ZSWIM6: variants seen among roughly 807,000 people sequenced by gnomAD.
ZSWIM6 encodes zinc finger SWIM-type containing 6.
A neutral mutation model predicts 113.2 loss-of-function variants in ZSWIM6; 9 were observed. That is an observed-to-expected ratio of 0.08 (90% CI 0.05 to 0.14). The LOEUF is 0.14. Ranked by LOEUF, ZSWIM6 falls within the 10% of genes least tolerant of loss-of-function variation. The pLI is 1.00. For missense variants in ZSWIM6, 1,162 were observed against 1,552.2 expected (o/e 0.75, Z 4.22); for synonymous variants, 611 against 606.5 (o/e 1.01, Z -0.11).
At chr5:61,537,572 G>A (rs1749612903) in intron 10 of ZSWIM6, among the ~76,000 whole-genome samples, 1 of 146,852 alleles carries the variant, frequency 6.8e-6, no homozygotes. Context: ...AAAAAAAAAA[G>A]CTAAATAGCA....
At chr5:61,515,918 T>C (rs564430001) in intron 4 of ZSWIM6, among the ~76,000 whole-genome samples, 1 of 152,266 alleles carries the variant, frequency 6.6e-6, no homozygotes, top group East Asian at 1.9e-4. Context: ...TGCCCCTCTT[T>C]ATACCTGGTA....
chr5:61,442,459 T>C (rs1483901194), intron 1 of ZSWIM6, among the ~76,000 whole-genome samples: 1 of 152,210 alleles, frequency 6.6e-6, no homozygotes, highest in Non-Finnish European at 1.5e-5. Context: ...CAAAGTTTAA[T>C]CTAATACATA....
chr5:61,494,893 A>G (rs1194076338), intron 4 of ZSWIM6, among the ~76,000 whole-genome samples: 2 of 152,118 alleles, frequency 1.3e-5, no homozygotes, highest in African/African-American at 2.4e-5. Flanking sequence ...AGCAAATTCT[A>G]ATATTTATTG....
chr5:61,428,357 A>C (rs576730456), intron 1 of ZSWIM6, among the ~76,000 whole-genome samples: 2 of 152,016 alleles, frequency 1.3e-5, no homozygotes, highest in African/African-American at 4.8e-5. Flanking sequence ...CATTTTGGTG[A>C]TTCTCTTAGG....
At chr5:61,517,647 T>C (rs952010771) in intron 4 of ZSWIM6, among the ~76,000 whole-genome samples, 1 of 152,050 alleles carries the variant, frequency 6.6e-6, no homozygotes, top group Non-Finnish European at 1.5e-5. Flanking sequence ...CCCTTGAGAA[T>C]TGGTCACATT....
intron 1 of ZSWIM6, among the ~76,000 whole-genome samples, chr5:61,408,984 C>G (rs79942193): frequency 0.041 from 6,245 of 151,288 alleles, 233 homozygotes; most frequent in South Asian, 0.19. Flanking sequence ...CTGACCCGAC[C>G]GCGCAGAGGC....
chr5:61,348,474 A>G lies in ZSWIM6; in HGVS notation c.676+15526A>G, dbSNP rs182549994. On this transcript the variant is annotated intron_variant, in intron 1 of 13. Coordinates refer to ENST00000252744, the MANE Select transcript of ZSWIM6 (RefSeq NM_020928.2). Reference sequence around the variant, plus strand: ...TTTCACATCTAGATTTTCCCCCTTCATACTTCCTGTTAAAGATAGGAAACA... The same window carrying G: ...TTTCACATCTAGATTTTCCCCCTTCGTACTTCCTGTTAAAGATAGGAAACA... Among the ~76,000 whole-genome samples the G allele has an allele frequency of 4.4e-3, 674 of 152,254 alleles. 3 individuals carry two copies. The highest frequency in any genetic ancestry group is 0.015 in the African/African-American group (630 of 41,550).
At chr5:61,529,566 C>T (rs921811290) in intron 7 of ZSWIM6, among the ~76,000 whole-genome samples, 4 of 152,316 alleles carry the variant, frequency 2.6e-5, no homozygotes, top group Non-Finnish European at 5.9e-5. Context: ...ATTTACATGA[C>T]CCAGTTAACA....
intron 3 of ZSWIM6, 30 bp from the exon 4 acceptor site, chr5:61,494,230 A>G: frequency 1.3e-6 from 2 of 1,543,564 alleles, no homozygotes; most frequent in South Asian, 2.4e-5. Flanking sequence ...GTTTTGAACA[A>G]TTTTCTAAAG....
intron 2 of ZSWIM6, among the ~76,000 whole-genome samples, chr5:61,487,527 G>A (rs905192642): frequency 3.3e-5 from 5 of 151,824 alleles, no homozygotes; most frequent in African/African-American, 1.2e-4. Flanking sequence ...ATGAGTATGG[G>A]ATGTTTTTCC....
At chr5:61,454,051 C>T (rs1329987071) in intron 1 of ZSWIM6, among the ~76,000 whole-genome samples, 1 of 151,732 alleles carries the variant, frequency 6.6e-6, no homozygotes, top group African/African-American at 2.4e-5. Context: ...AAGTTGTGTC[C>T]CTTCCCCCAT....
At chr5:61,457,673 C>T (rs1747233009) in intron 1 of ZSWIM6, among the ~76,000 whole-genome samples, 1 of 152,082 alleles carries the variant, frequency 6.6e-6, no homozygotes, top group Non-Finnish European at 1.5e-5. Flanking sequence ...AGGCACCTGC[C>T]TCTATGCCTG....
chr5:61,530,996 T>C (rs1482150552), intron 8 of ZSWIM6, among the ~76,000 whole-genome samples: 1 of 152,220 alleles, frequency 6.6e-6, no homozygotes, highest in Non-Finnish European at 1.5e-5. Context: ...GAATCATTCC[T>C]CTTGTGATAA....
intron 1 of ZSWIM6, among the ~76,000 whole-genome samples, chr5:61,401,672 T>A (rs888054275): frequency 6.6e-6 from 1 of 152,156 alleles, no homozygotes; most frequent in Non-Finnish European, 1.5e-5. Flanking sequence ...AAGAGAGGTA[T>A]CCAGATTTGA....
At chr5:61,538,687 C>A in intron 10 of ZSWIM6, 127 bp from the exon 11 acceptor site, 1 of 1,019,806 alleles carries the variant, frequency 9.8e-7, no homozygotes, top group Non-Finnish European at 1.4e-6. Flanking sequence ...GCTGTACCAG[C>A]CCTTGCTGAA....
chr5:61,384,470 A>C (rs141101490), intron 1 of ZSWIM6, among the ~76,000 whole-genome samples: 116 of 152,316 alleles, frequency 7.6e-4, no homozygotes, highest in African/African-American at 2.7e-3. Context: ...AGAAAGTTTC[A>C]CAAAGGCTAA....
intron 1 of ZSWIM6, among the ~76,000 whole-genome samples, chr5:61,434,026 AAATAT>A (rs935490884): frequency 1.4e-5 from 2 of 147,110 alleles, no homozygotes; most frequent in African/African-American, 4.9e-5. Flanking sequence ...TATAATAGAA[AAATAT>A]AATAAAAAAT....
At chr5:61,350,589 A>G (rs1338877956) in intron 1 of ZSWIM6, among the ~76,000 whole-genome samples, 1 of 152,134 alleles carries the variant, frequency 6.6e-6, no homozygotes, top group Middle Eastern at 3.2e-3. Flanking sequence ...TAAATTTTAT[A>G]TTCTTATTTG....
intron 1 of ZSWIM6, among the ~76,000 whole-genome samples, chr5:61,425,535 A>G (rs1746447697): frequency 6.6e-6 from 1 of 152,232 alleles, no homozygotes; most frequent in South Asian, 2.1e-4. Flanking sequence ...TTCTAGTTAT[A>G]GGGAAACTCA....
Sources: gnomAD v4.1 joint callset for allele counts (sites outside exome capture counted in the v4.1 genomes callset) on GRCh38, gnomAD v4.1.1 for gene constraint, MANE v1.5 for transcripts, NCBI Gene and HGNC (gene_info 2026-07-23, HGNC 2026-07-21) for gene names.